PTPRM: variants seen among roughly 807,000 people sequenced by gnomAD.
PTPRM encodes the protein receptor-type tyrosine-protein phosphatase mu.
In PTPRM, 47 loss-of-function variants were observed where a neutral mutation model predicts 186.7. The ratio of observed to expected loss-of-function variants is 0.25; its 90% CI spans 0.20 to 0.32. The LOEUF (loss-of-function observed/expected upper bound fraction) is 0.32, where lower values mean the gene tolerates loss of function less well. Among genes scored for constraint, PTPRM ranks in the 10% least tolerant of loss-of-function variants. The pLI is 1.00. For synonymous variants in PTPRM, 668 were observed against 674.9 expected (o/e 0.99, Z 0.16); for missense variants, 1,494 against 1,865.0 (o/e 0.80, Z 3.66).
intron 14 of PTPRM, among the ~76,000 whole-genome samples, chr18:8,196,290 A>G (rs1359472419): frequency 6.6e-6 from 1 of 152,206 alleles, no homozygotes; most frequent in Non-Finnish European, 1.5e-5. Flanking sequence ...AAAGGTCATC[A>G]CTACAGATGT....
At chr18:8,035,226 C>T (rs1376136975) in intron 7 of PTPRM, among the ~76,000 whole-genome samples, 1 of 152,134 alleles carries the variant, frequency 6.6e-6, no homozygotes, top group Non-Finnish European at 1.5e-5. Flanking sequence ...CAATGAGAAA[C>T]CAGGCTGCAT....
intron 19 of PTPRM, among the ~76,000 whole-genome samples, chr18:8,264,226 A>G (rs181705369): frequency 1.7e-4 from 26 of 152,336 alleles, no homozygotes; most frequent in Admixed American, 1.5e-3. Flanking sequence ...GGCTTTTCCT[A>G]TCTCTTACCA....
chr18:8,134,730 C>G (rs998228018), intron 13 of PTPRM, among the ~76,000 whole-genome samples: 2 of 152,002 alleles, frequency 1.3e-5, no homozygotes, highest in Non-Finnish European at 2.9e-5. Context: ...CTTTTTCATT[C>G]TTTCCTTTTT....
chr18:7,821,048 T>C (rs2045162734), intron 2 of PTPRM, among the ~76,000 whole-genome samples: 1 of 152,180 alleles, frequency 6.6e-6, no homozygotes. Context: ...GAAATTCTTC[T>C]GTAACCTGAA....
chr18:8,359,255 A>T (rs1568824651), intron 23 of PTPRM, among the ~76,000 whole-genome samples: 2 of 152,186 alleles, frequency 1.3e-5, no homozygotes, highest in African/African-American at 4.8e-5. Context: ...ATCAAAGCAA[A>T]TTTGCAGGTC....
chr18:7,916,992 A>T (rs1045419301), intron 4 of PTPRM, among the ~76,000 whole-genome samples: 2 of 152,138 alleles, frequency 1.3e-5, no homozygotes, highest in African/African-American at 2.4e-5. Flanking sequence ...TTGACTTCTG[A>T]GATCAACTTT....
chr18:7,717,613 T>C (rs1026299127), intron 1 of PTPRM, among the ~76,000 whole-genome samples: 1 of 152,242 alleles, frequency 6.6e-6, no homozygotes, highest in Non-Finnish European at 1.5e-5. Flanking sequence ...AGCTGCCTCA[T>C]GCGAAAAGGC....
At chr18:7,951,284 T>A (rs960656249) in intron 6 of PTPRM, among the ~76,000 whole-genome samples, 5 of 152,212 alleles carry the variant, frequency 3.3e-5, no homozygotes, top group African/African-American at 1.2e-4. Flanking sequence ...ATCATTATCA[T>A]CATCATTATT....
chr18:7,788,895 G>A (rs2145180845), intron 2 of PTPRM, among the ~76,000 whole-genome samples: 1 of 152,316 alleles, frequency 6.6e-6, no homozygotes, highest in East Asian at 1.9e-4. Flanking sequence ...AGCTGTTATA[G>A]ATAGTTAATA....
intron 14 of PTPRM, among the ~76,000 whole-genome samples, chr18:8,189,634 G>A (rs886668884): frequency 2.6e-5 from 4 of 152,186 alleles, no homozygotes; most frequent in Non-Finnish European, 4.4e-5. Context: ...TTCCCTGGGG[G>A]TGGAGTATAG....
chr18:7,760,403 T>A (rs901104570), intron 1 of PTPRM, among the ~76,000 whole-genome samples: 4 of 152,190 alleles, frequency 2.6e-5, no homozygotes, highest in Non-Finnish European at 1.5e-5. Flanking sequence ...TGGCCTAGTC[T>A]TTCTGTTGCC....
At chr18:8,126,027 A>ATATTTTTTTTTT (rs57751538) in intron 13 of PTPRM, among the ~76,000 whole-genome samples, 15 of 69,516 alleles carry the variant, frequency 2.2e-4, no homozygotes, top group African/African-American at 2.3e-4. Context: ...ATATATATAT[A>ATATTTTTTTTTT]TTTTAAATCA....
At chr18:8,055,320 A>G (rs928447923) in intron 7 of PTPRM, among the ~76,000 whole-genome samples, 19 of 151,466 alleles carry the variant, frequency 1.3e-4, no homozygotes, top group Non-Finnish European at 2.2e-4. Flanking sequence ...TTATGTTCCT[A>G]TTTCTATTTT....
intron 1 of PTPRM, among the ~76,000 whole-genome samples, chr18:7,728,450 G>C (rs984925879): frequency 6.7e-6 from 1 of 150,034 alleles, no homozygotes; most frequent in African/African-American, 2.5e-5. Context: ...AAGAGGCTAC[G>C]CTCCTCCCTG....
chr18:8,063,372 C>G (rs368028442), intron 7 of PTPRM, among the ~76,000 whole-genome samples: 2 of 151,254 alleles, frequency 1.3e-5, no homozygotes, highest in East Asian at 1.9e-4. Context: ...GAGATGAACC[C>G]GGTACCTCAG....
chr18:8,000,740 A>G (rs2083820994), intron 7 of PTPRM, among the ~76,000 whole-genome samples: 2 of 152,226 alleles, frequency 1.3e-5, no homozygotes, highest in Non-Finnish European at 2.9e-5. Flanking sequence ...TTCACACCAT[A>G]TATCATGAAG....
intron 5 of PTPRM, among the ~76,000 whole-genome samples, chr18:7,946,464 T>C (rs1398126822): frequency 6.6e-6 from 1 of 152,128 alleles, no homozygotes; most frequent in East Asian, 1.9e-4. Flanking sequence ...AAACCAGAGA[T>C]GTGGTTCTTT....
intron 2 of PTPRM, among the ~76,000 whole-genome samples, chr18:7,805,489 A>G (rs1161110344): frequency 6.6e-6 from 1 of 152,208 alleles, no homozygotes; most frequent in Non-Finnish European, 1.5e-5. Flanking sequence ...AAACTTTCTA[A>G]AACACTATTA....
intron 2 of PTPRM, among the ~76,000 whole-genome samples, chr18:7,800,135 A>G (rs2043878080): frequency 6.6e-6 from 1 of 152,224 alleles, no homozygotes; most frequent in South Asian, 2.1e-4. Context: ...TATTACTAGT[A>G]TGAACATTGG....
Sources: gnomAD v4.1 joint callset for allele counts (sites outside exome capture counted in the v4.1 genomes callset) on GRCh38, gnomAD v4.1.1 for gene constraint, MANE v1.5 for transcripts, NCBI Gene and HGNC (gene_info 2026-07-23, HGNC 2026-07-21) for gene names.